The following PRKD2 variants were observed in gnomAD, a reference collection of about 807,000 sequenced individuals.
PRKD2 encodes the protein protein kinase D2, also known as serine/threonine-protein kinase D2.
PRKD2 carries 22 observed loss-of-function variants against 86.0 expected under a neutral mutation model. The observed-to-expected ratio is 0.26, with a 90% confidence interval of 0.18 to 0.37. The LOEUF is 0.37. Ranked by LOEUF, PRKD2 falls within the 10% of genes least tolerant of loss-of-function variation. PRKD2 has a pLI of 1.00. For synonymous variants in PRKD2, 509 were observed against 510.9 expected (o/e 1.00, Z 0.05); for missense variants, 818 against 1,199.2 (o/e 0.68, Z 4.70).
intron 5 of PRKD2, among the ~76,000 whole-genome samples, chr19:46,703,191 T>C (rs2053658632): frequency 6.6e-6 from 1 of 152,202 alleles, no homozygotes; most frequent in Admixed American, 6.6e-5. Context: ...AGATGTGTAA[T>C]CTAAAGTTCT....
chr19:46,681,027 A>C lies in PRKD2; in HGVS notation c.2070+623T>G, dbSNP rs1450408946. Among the ~76,000 whole-genome samples, 7 of 136,630 alleles carry C rather than the reference A, an allele frequency of 5.1e-5. 1 individual carries two copies. The highest frequency in any genetic ancestry group is 1.1e-4 in the African/African-American group (4 of 36,446). The allele number at this position is 136,630 out of a possible 152,430, so 89.6% of individuals were successfully genotyped here. A position where few individuals can be genotyped will look rare whatever the true frequency, so the allele number is the denominator to read the frequency against. On this transcript the variant is annotated intron_variant, in intron 15 of 17. Transcript: ENST00000291281. ...GGAGTGCAGTGGCGTGATCTCGGCTAACTGCAAGCTCCGCCTCCCGGGTTC... is the reference window on the plus strand; with the variant it reads ...GGAGTGCAGTGGCGTGATCTCGGCTCACTGCAAGCTCCGCCTCCCGGGTTC...
At chr19:46,691,634 C>A in intron 12 of PRKD2, 101 bp downstream of exon 12, 1 of 1,175,730 alleles carries the variant, frequency 8.5e-7, no homozygotes, top group East Asian at 2.3e-5. Flanking sequence ...AGCATGTGAC[C>A]AATCAGAAAG....
intron 14 of PRKD2, among the ~76,000 whole-genome samples, chr19:46,683,258 C>T (rs2053339823): frequency 6.6e-6 from 1 of 150,790 alleles, no homozygotes; most frequent in African/African-American, 2.4e-5. Flanking sequence ...CCATGCCCGG[C>T]TAATTTTTGT....
At chr19:46,703,355 G>A (rs1268597289) in intron 5 of PRKD2, among the ~76,000 whole-genome samples, 4 of 152,082 alleles carry the variant, frequency 2.6e-5, no homozygotes, top group African/African-American at 4.8e-5. Context: ...AGCTGGGCGC[G>A]GTGGCTCACA....
At position 46,682,701 on chromosome 19, in the gene PRKD2, ATTTTTT is replaced by A. The variant is rs71177241; in HGVS notation, c.1972-959_1972-954del. On this transcript the variant is annotated intron_variant, in intron 14 of 17. Transcript: ENST00000291281. ...TTCCAAGATCCAACTATGTGATTCTATTTTTTTTTTTTTTTTTTTTTTGAGACAGAG... is the reference window on the plus strand; with the variant it reads ...TTCCAAGATCCAACTATGTGATTCTATTTTTTTTTTTTTTTTGAGACAGAG... 6.2e-3 allele frequency among the ~76,000 whole-genome samples: 639 copies of A among 102,850 alleles called. 3 individuals are homozygous for A. Among genetic ancestry groups the A allele is most frequent in the African/African-American group, 0.023 (609 of 26,570 alleles). The allele number at this position is 102,850 out of a possible 152,430, so 67.5% of individuals were successfully genotyped here.
intron 14 of PRKD2, among the ~76,000 whole-genome samples, chr19:46,684,829 G>A (rs1250548727): frequency 6.6e-6 from 1 of 152,040 alleles, no homozygotes; most frequent in East Asian, 1.9e-4. Context: ...CAGGAATGGT[G>A]GCGTGTGCCT....
rs753514675 is a variant in PRKD2, at chr19:46,678,711, C to A, written c.2071-48G>T. The A allele has an allele frequency of 5.8e-6, 9 of 1,563,484 alleles. No individual in the cohort carries two copies. Among genetic ancestry groups the A allele is most frequent in the South Asian group, 2.3e-5 (2 of 86,708 alleles). On this transcript the variant is annotated intron_variant, in intron 15 of 17. Coordinates refer to ENST00000291281, the MANE Select transcript of PRKD2 (RefSeq NM_016457.5). This position sits in a 1 kb window ranked among gnomAD's most constrained non-coding sequence, Gnocchi z 5.7. ...GCTCCACCAGGTGATGGAGCCGCAC[C>A]CACCCCAGCATCCCCACCACACCAC...
chr19:46,713,853 C>T lies in PRKD2; in HGVS notation c.379+10G>A, dbSNP rs746007273. 1 of 1,556,184 alleles carries T rather than the reference C, an allele frequency of 6.4e-7. No individual in the cohort carries two copies. The highest frequency in any genetic ancestry group is 8.7e-7 in the Non-Finnish European group (1 of 1,147,370). ...GAGGCCCCGCCCCCAGGCCGGCCACCACCTCTCACCCGACAGCACCACCTC... is the reference window on the plus strand; with the variant it reads ...GAGGCCCCGCCCCCAGGCCGGCCACTACCTCTCACCCGACAGCACCACCTC... On this transcript the variant is annotated intron_variant, in intron 2 of 17. Coordinates refer to ENST00000291281, the MANE Select transcript of PRKD2 (RefSeq NM_016457.5).
intron 5 of PRKD2, among the ~76,000 whole-genome samples, chr19:46,702,347 G>C (rs549870457): frequency 6.6e-5 from 10 of 151,938 alleles, no homozygotes; most frequent in African/African-American, 2.2e-4. Flanking sequence ...ACCTGATTCC[G>C]TATTTCTAAG....
intron 7 of PRKD2, among the ~76,000 whole-genome samples, chr19:46,698,607 C>T (rs144927975): frequency 2.4e-4 from 37 of 152,306 alleles, no homozygotes; most frequent in Non-Finnish European, 4.1e-4. Flanking sequence ...CCTCTCTGGG[C>T]CTCACCTCCC....
At chr19:46,708,707 C>T in intron 3 of PRKD2, among the ~76,000 whole-genome samples, 1 of 152,180 alleles carries the variant, frequency 6.6e-6, no homozygotes, top group Admixed American at 6.5e-5. Context: ...GGAAAGCAGG[C>T]TACACCAGAA....
At chr19:46,697,329 C>T in intron 8 of PRKD2, 95 bp from the exon 9 acceptor site, 1 of 906,214 alleles carries the variant, frequency 1.1e-6, no homozygotes, top group Non-Finnish European at 1.7e-6. Context: ...GCCTGGAGCA[C>T]CACGTGCACG....
chr19:46,716,281 C>G lies in PRKD2; in HGVS notation c.90G>C (p.Ser30=), dbSNP rs762330449. ...GGATCTGGGGCAGTAGCGGTGGCGG[C>G]GACTGCAGCTCTAGGCCGCCGGGGG... ...PPPPGGLELQ[S]PPPLLPQIPA... The change falls in exon 1 of 18, where the codon TCG becomes TCC. Residue 30 remains serine, a synonymous_variant. Coordinates refer to ENST00000291281, the MANE Select transcript of PRKD2 (RefSeq NM_016457.5). The surrounding 1 kb of genome is among the most constrained non-coding windows in gnomAD (Gnocchi z 7.9). 1.9e-6 allele frequency: 3 copies of G among 1,581,064 alleles called. No homozygotes were observed. The Admixed American group carries it at 5.3e-5, about 28-fold the overall frequency.
chr19:46,711,697 A>G (rs2053811507), intron 2 of PRKD2, among the ~76,000 whole-genome samples: 1 of 152,170 alleles, frequency 6.6e-6, no homozygotes, highest in Non-Finnish European at 1.5e-5. Context: ...CCGGCCTAAA[A>G]TAGTAATTTT....
chr19:46,681,838 A>G, intron 14 of PRKD2, 90 bp from the exon 15 acceptor site: 2 of 618,328 alleles, frequency 3.2e-6, no homozygotes, highest in South Asian at 2.2e-5. Context: ...ACCCATCCAT[A>G]CTTTTTTTTT....
intron 7 of PRKD2, among the ~76,000 whole-genome samples, chr19:46,698,435 A>G (rs2053591775): frequency 6.6e-6 from 1 of 152,190 alleles, no homozygotes; most frequent in Admixed American, 6.5e-5. Context: ...TAACCTCTTC[A>G]TGCCTCAGTT....
intron 5 of PRKD2, among the ~76,000 whole-genome samples, chr19:46,701,646 G>A (rs558679300): frequency 5.1e-4 from 76 of 148,104 alleles, no homozygotes; most frequent in African/African-American, 1.9e-3. Context: ...GAGCCACCGC[G>A]CCCGACTTGT....
chr19:46,701,550 G>A (rs1287431477), intron 5 of PRKD2, among the ~76,000 whole-genome samples: 11 of 151,516 alleles, frequency 7.3e-5, no homozygotes, highest in African/African-American at 2.4e-4. Flanking sequence ...ACGGGGTTTC[G>A]CCATGTTGGT....
At chr19:46,710,788 CGCCCCCA>C in intron 3 of PRKD2, 112 bp downstream of exon 3, 1 of 1,114,630 alleles carries the variant, frequency 9.0e-7, no homozygotes, top group Non-Finnish European at 1.2e-6. Context: ...TCCTAGGCTG[CGCCCCCA>C]GCTCTGAGAC....
Sources: gnomAD v4.1 joint callset for allele counts (sites outside exome capture counted in the v4.1 genomes callset) on GRCh38, gnomAD v4.1.1 for gene constraint, Gnocchi (gnomAD v3.1) non-coding constraint, MANE v1.5 for transcripts, NCBI Gene and HGNC (gene_info 2026-07-23, HGNC 2026-07-21) for gene names.